The following BABAM2 variants were observed in gnomAD, a reference collection of about 807,000 sequenced individuals.
BABAM2 encodes the protein BRISC and BRCA1-A complex member 2.
In BABAM2, 31 loss-of-function variants were observed where a neutral mutation model predicts 54.7. The ratio of observed to expected loss-of-function variants is 0.57; its 90% CI spans 0.43 to 0.77. The LOEUF (loss-of-function observed/expected upper bound fraction) is 0.77, where lower values mean the gene tolerates loss of function less well. BABAM2 is among the 30% of genes least tolerant of loss of function. The probability of loss-of-function intolerance (pLI) is 0.00; values close to 1 mark genes in which losing one functional copy is unlikely to be tolerated. For missense variants in BABAM2, 364 were observed against 455.8 expected (o/e 0.80, Z 1.83); for synonymous variants, 167 against 162.9 (o/e 1.03, Z -0.19).
At chr2:28,026,897 A>ATATATATAT (rs1558667588) in intron 5 of BABAM2, among the ~76,000 whole-genome samples, 5 of 20,622 alleles carry the variant, frequency 2.4e-4, no homozygotes, top group Non-Finnish European at 4.9e-4. Context: ...GATATATATA[A>ATATATATAT]ATATATATAA....
chr2:27,890,278 G>A, upstream of BABAM2: 2 of 1,613,754 alleles, frequency 1.2e-6, no homozygotes, highest in African/African-American at 1.3e-5. The surrounding 1 kb of genome is among the most constrained non-coding windows in gnomAD (Gnocchi z 4.8). Context: ...GGTCATGCAG[G>A]AGCCCACCAC....
intron 7 of BABAM2, among the ~76,000 whole-genome samples, chr2:28,144,120 G>T (rs1671298255): frequency 6.6e-6 from 1 of 152,188 alleles, no homozygotes; most frequent in Non-Finnish European, 1.5e-5. Flanking sequence ...AACCCTCATA[G>T]AATCTTTGCC....
intron 3 of BABAM2, among the ~76,000 whole-genome samples, chr2:27,964,878 A>C (rs114885367): frequency 6.6e-6 from 1 of 152,210 alleles, no homozygotes; most frequent in South Asian, 2.1e-4. Flanking sequence ...AGTAGAAGTT[A>C]TTAGGAAACA....
At chr2:28,291,335 A>G (rs1687265994) in intron 10 of BABAM2, among the ~76,000 whole-genome samples, 2 of 152,170 alleles carry the variant, frequency 1.3e-5, no homozygotes, top group African/African-American at 2.4e-5. Flanking sequence ...GTTCACATCT[A>G]TAATCCCAGC....
chr2:28,217,760 G>A (rs1680045662), intron 7 of BABAM2, among the ~76,000 whole-genome samples: 1 of 152,062 alleles, frequency 6.6e-6, no homozygotes, highest in Non-Finnish European at 1.5e-5. Context: ...ATTGCTTGAT[G>A]TTCAGTCTAT....
At chr2:28,200,227 A>G (rs936257374) in intron 7 of BABAM2, among the ~76,000 whole-genome samples, 2 of 152,208 alleles carry the variant, frequency 1.3e-5, no homozygotes, top group African/African-American at 4.8e-5. Flanking sequence ...CTTTCCCCTT[A>G]TTAGTCATTG....
At chr2:28,040,294 C>CTTTTTTTTTTTTTTT (rs397735161) in intron 5 of BABAM2, among the ~76,000 whole-genome samples, 616 of 59,486 alleles carry the variant, frequency 0.01, 123 homozygotes, top group Non-Finnish European at 0.014. Context: ...AAACTGAATT[C>CTTTTTTTTTTTTTTT]TTTTTTTTTT....
At chr2:28,021,457 T>C (rs1415940771) in intron 4 of BABAM2, among the ~76,000 whole-genome samples, 1 of 152,190 alleles carries the variant, frequency 6.6e-6, no homozygotes, top group Non-Finnish European at 1.5e-5. Flanking sequence ...ATATTGTTCT[T>C]TACATTCTTT....
At chr2:28,046,331 G>C (rs1677569135) in intron 6 of BABAM2, among the ~76,000 whole-genome samples, 2 of 152,184 alleles carry the variant, frequency 1.3e-5, no homozygotes, top group South Asian at 2.1e-4. Context: ...ATGGTGGCAG[G>C]CTCCTATAAT....
intron 3 of BABAM2, among the ~76,000 whole-genome samples, chr2:27,971,337 A>G (rs759283561): frequency 5.3e-5 from 8 of 152,154 alleles, no homozygotes; most frequent in Non-Finnish European, 1.0e-4. Context: ...AGAGAATGAG[A>G]AAACATCTTG....
intron 8 of BABAM2, among the ~76,000 whole-genome samples, chr2:28,240,942 T>A (rs2338011): frequency 0.86 from 130,428 of 151,360 alleles, 57,397 homozygotes; most frequent in East Asian, 1. Flanking sequence ...ATAAACATTT[T>A]GGGGACAATT....
At chr2:28,164,583 T>C (rs981487263) in intron 7 of BABAM2, among the ~76,000 whole-genome samples, 44 of 152,064 alleles carry the variant, frequency 2.9e-4, no homozygotes, top group African/African-American at 1.1e-3. Context: ...TTTGCTGCCT[T>C]TGCTTGTTTT....
chr2:28,257,284 C>A (rs536130475), intron 10 of BABAM2, among the ~76,000 whole-genome samples: 12 of 152,178 alleles, frequency 7.9e-5, no homozygotes, highest in African/African-American at 2.9e-4. Context: ...ATAGATCTAG[C>A]CCCACCATCA....
intron 7 of BABAM2, among the ~76,000 whole-genome samples, chr2:28,222,931 C>G (rs950158611): frequency 7.9e-5 from 12 of 152,324 alleles, no homozygotes; most frequent in African/African-American, 2.6e-4. Context: ...AGGCCCGCCC[C>G]GCACTCTGTC....
At position 28,178,239 on chromosome 2, in the gene BABAM2, C is replaced by T. The variant is rs573510456; in HGVS notation, c.680+48859C>T. On this transcript the variant is annotated intron_variant, in intron 7 of 11. Coordinates refer to ENST00000379624, the MANE Select transcript of BABAM2 (RefSeq NM_199191.3). ...ACATGGAACATTTTCCAGGATAGACCATATGTTAAGCCACAAAATAAGTCT... is the reference window on the plus strand; with the variant it reads ...ACATGGAACATTTTCCAGGATAGACTATATGTTAAGCCACAAAATAAGTCT... Among the ~76,000 whole-genome samples the T allele has an allele frequency of 1.8e-3, 272 of 152,182 alleles. 1 individual carries two copies. Among genetic ancestry groups the T allele is most frequent in the African/African-American group, 6.4e-3 (267 of 41,538 alleles).
intron 4 of BABAM2, among the ~76,000 whole-genome samples, chr2:28,021,471 G>C (rs1240734983): frequency 6.6e-6 from 1 of 151,998 alleles, no homozygotes; most frequent in Non-Finnish European, 1.5e-5. Flanking sequence ...ATTCTTTTAT[G>C]CCATTTAAAA....
At chr2:27,910,647 A>T (rs1573144081) in intron 2 of BABAM2, among the ~76,000 whole-genome samples, 1 of 152,030 alleles carries the variant, frequency 6.6e-6, no homozygotes, top group Non-Finnish European at 1.5e-5. Flanking sequence ...TACTTTTAAA[A>T]ATATATATAT....
chr2:28,273,023 C>A (rs1465057473), intron 10 of BABAM2, among the ~76,000 whole-genome samples: 1 of 152,224 alleles, frequency 6.6e-6, no homozygotes, highest in Non-Finnish European at 1.5e-5. Flanking sequence ...AACTTTCTTA[C>A]TCTGGCTGTG....
intron 2 of BABAM2, among the ~76,000 whole-genome samples, chr2:27,898,405 C>A (rs1665511519): frequency 6.6e-6 from 1 of 152,058 alleles, no homozygotes; most frequent in Non-Finnish European, 1.5e-5. Context: ...TTCAGATGTC[C>A]ATTGATAGTC....
Sources: allele counts gnomAD v4.1 joint callset (sites outside exome capture counted in the v4.1 genomes callset), GRCh38; gene constraint gnomAD v4.1.1; non-coding constraint Gnocchi (gnomAD v3.1); transcripts MANE v1.5; gene names NCBI Gene and HGNC (gene_info 2026-07-23, HGNC 2026-07-21).